The following UCHL5 variants were observed in gnomAD, a reference collection of about 807,000 sequenced individuals.
The protein encoded by UCHL5 is ubiquitin C-terminal hydrolase L5, also known as ubiquitin carboxyl-terminal hydrolase isozyme L5.
In UCHL5, 34 loss-of-function variants were observed where a neutral mutation model predicts 53.8. The observed-to-expected ratio is 0.63, with a 90% CI of 0.48 to 0.84. The LOEUF is 0.84. Ranked by LOEUF, UCHL5 falls within the 40% of genes least tolerant of loss-of-function variation. The pLI is 0.00. For missense variants in UCHL5, 290 were observed against 385.6 expected, an observed-to-expected ratio of 0.75 and a Z score of 2.08; for synonymous variants, 111 against 126.3, an observed-to-expected ratio of 0.88 and a Z score of 0.81.
chr1:193,058,861 C>T (rs185125615), intron 1 of UCHL5, among the ~76,000 whole-genome samples: 11 of 152,330 alleles, frequency 7.2e-5, no homozygotes, highest in African/African-American at 2.2e-4. Flanking sequence ...AGGGGCAGTG[C>T]AAAGGGCAAT....
At chr1:193,016,512 A>G in intron 10 of UCHL5, 117 bp from the exon 11 acceptor site, 1 of 857,458 alleles carries the variant, frequency 1.2e-6, no homozygotes, top group South Asian at 1.9e-5. Context: ...CATTGTTTAT[A>G]AGACTTCTAA....
At chr1:193,039,723 A>G (rs1664870321) in intron 3 of UCHL5, among the ~76,000 whole-genome samples, 1 of 152,230 alleles carries the variant, frequency 6.6e-6, no homozygotes, top group African/African-American at 2.4e-5. Context: ...AACTGGAAGA[A>G]TCACATTATC....
At chr1:193,041,186 T>G (rs1409567250) in intron 3 of UCHL5, among the ~76,000 whole-genome samples, 1 of 152,208 alleles carries the variant, frequency 6.6e-6, no homozygotes, top group African/African-American at 2.4e-5. Context: ...GTGACTGATA[T>G]CCCAATTATA....
chr1:193,046,604 G>T (rs1409668370), intron 3 of UCHL5, among the ~76,000 whole-genome samples: 3 of 149,886 alleles, frequency 2.0e-5, no homozygotes, highest in Non-Finnish European at 1.5e-5. Context: ...GATAATTGTT[G>T]TAAGGGATCA....
At chr1:193,059,584 G>C (rs751792697), upstream of UCHL5, 1 of 1,479,422 alleles carries the variant, frequency 6.8e-7, no homozygotes, top group South Asian at 1.1e-5. The surrounding 1 kb of genome is among the most constrained non-coding windows in gnomAD (Gnocchi z 4.9). Flanking sequence ...CCTCTGGGGC[G>C]GAGGCGGGGC....
chr1:193,024,238 T>C (rs553433201), intron 7 of UCHL5, among the ~76,000 whole-genome samples: 1 of 150,340 alleles, frequency 6.7e-6, no homozygotes, highest in Non-Finnish European at 1.5e-5. Flanking sequence ...CAAGACCCTG[T>C]CTCTTAAAAA....
chr1:193,018,478 C>G, intron 10 of UCHL5: 2 of 968,394 alleles, frequency 2.1e-6, no homozygotes, highest in Non-Finnish European at 2.5e-6. Context: ...AGTTTTATAA[C>G]TATATATTTT....
chr1:193,020,819 TAAAGGAAGTG>T (rs1202676006), intron 10 of UCHL5, among the ~76,000 whole-genome samples: 4 of 151,958 alleles, frequency 2.6e-5, no homozygotes, highest in African/African-American at 7.2e-5. Context: ...TACTTTTGCT[TAAAGGAAGTG>T]TTTTAAATTT....
chr1:193,032,551 T>C (rs1661835132), intron 3 of UCHL5, among the ~76,000 whole-genome samples: 1 of 152,194 alleles, frequency 6.6e-6, no homozygotes. Context: ...CTGAAGAGCT[T>C]CTGCACAGCA....
At chr1:193,021,875 A>G (rs1236959136) in intron 9 of UCHL5, among the ~76,000 whole-genome samples, 3 of 152,182 alleles carry the variant, frequency 2.0e-5, no homozygotes, top group Non-Finnish European at 4.4e-5. Context: ...TGTTTGTTTT[A>G]TAGCAGTATG....
intron 3 of UCHL5, among the ~76,000 whole-genome samples, chr1:193,031,961 G>T (rs189428444): frequency 9.2e-5 from 14 of 152,252 alleles, no homozygotes; most frequent in Admixed American, 5.2e-4. Context: ...TTCAATAATA[G>T]AAATGAGGCT....
At chr1:193,042,144 A>G (rs1665787825) in intron 3 of UCHL5, among the ~76,000 whole-genome samples, 1 of 152,032 alleles carries the variant, frequency 6.6e-6, no homozygotes, top group Non-Finnish European at 1.5e-5. Flanking sequence ...AAATGTATAT[A>G]GAGCACGATA....
intron 1 of UCHL5, among the ~76,000 whole-genome samples, chr1:193,055,391 C>A (rs1232484835): frequency 6.6e-6 from 1 of 152,200 alleles, no homozygotes; most frequent in East Asian, 1.9e-4. Flanking sequence ...AGCCTCACTA[C>A]TTGTGCAGCA....
intron 1 of UCHL5, among the ~76,000 whole-genome samples, chr1:193,054,355 T>C (rs1670007459): frequency 6.6e-6 from 1 of 152,188 alleles, no homozygotes; most frequent in Non-Finnish European, 1.5e-5. Context: ...CCCCTAACCC[T>C]ACCGATAAAT....
At chr1:193,025,142 G>A (rs1658688789) in intron 7 of UCHL5, among the ~76,000 whole-genome samples, 1 of 151,976 alleles carries the variant, frequency 6.6e-6, no homozygotes, top group African/African-American at 2.4e-5. Context: ...AACAGGCACA[G>A]ACAAAAAAAA....
At chr1:193,045,385 A>T (rs1667021270) in intron 3 of UCHL5, among the ~76,000 whole-genome samples, 1 of 152,184 alleles carries the variant, frequency 6.6e-6, no homozygotes, top group South Asian at 2.1e-4. Flanking sequence ...ATGGGGGTGG[A>T]TCCCTTATGA....
At chr1:193,023,795 G>T in intron 8 of UCHL5, 49 bp downstream of exon 8, 1 of 1,380,436 alleles carries the variant, frequency 7.2e-7, no homozygotes, top group Non-Finnish European at 1.0e-6. Context: ...TACTTTTCCT[G>T]AGAGAATAAC....
In UCHL5 at chr1:193,016,271, T is replaced by G. The variant is rs1571394082; in HGVS notation, c.*80A>C. ...AACGTGCACTGAGCCAATTAGGATGTTGCTCTAAGTTCTTTATACATAATG... is the reference window on the plus strand; with the variant it reads ...AACGTGCACTGAGCCAATTAGGATGGTGCTCTAAGTTCTTTATACATAATG... On this transcript the variant is annotated 3_prime_UTR_variant, in exon 11 of 11. Coordinates refer to ENST00000367454, the MANE Select transcript of UCHL5 (RefSeq NM_001199261.3). 30 of 1,531,168 alleles carry G rather than the reference T, an allele frequency of 2.0e-5. 3 individuals carry two copies. In the Middle Eastern group the frequency reaches 1.0e-3, roughly 52 times the overall value. The allele number at this position is 1,531,168 out of a possible 1,614,324, so 94.8% of individuals were successfully genotyped here.
At chr1:193,036,596 T>A (rs1383679185) in intron 3 of UCHL5, among the ~76,000 whole-genome samples, 2 of 151,902 alleles carry the variant, frequency 1.3e-5, no homozygotes, top group Admixed American at 1.3e-4. Flanking sequence ...CAAAGAAACA[T>A]CAGAGGTTAA....
Sources: gnomAD v4.1 joint callset for allele counts (sites outside exome capture counted in the v4.1 genomes callset) on GRCh38, gnomAD v4.1.1 for gene constraint, Gnocchi (gnomAD v3.1) non-coding constraint, MANE v1.5 for transcripts, NCBI Gene and HGNC (gene_info 2026-07-23, HGNC 2026-07-21) for gene names.